Variants in PTCH1 observed in about 807,000 individuals in gnomAD.
The protein encoded by PTCH1 is patched 1.
PTCH1 carries 14 observed loss-of-function variants against 144.6 expected under a neutral mutation model. The ratio of observed to expected loss-of-function variants is 0.10; its 90% CI spans 0.06 to 0.15. The LOEUF (loss-of-function observed/expected upper bound fraction) is 0.15, where lower values mean the gene tolerates loss of function less well. Ranked by LOEUF, PTCH1 falls within the 10% of genes least tolerant of loss-of-function variation. PTCH1 has a pLI of 1.00. For missense variants in PTCH1, 1,623 were observed against 1,948.3 expected (o/e 0.83, Z 3.14); for synonymous variants, 833 against 793.6 (o/e 1.05, Z -0.83).
At position 95,443,119 on chromosome 9, in the gene PTCH1, AG is replaced by A. The variant is rs1289980034; in HGVS notation, c.*3273del. On this transcript the variant is annotated 3_prime_UTR_variant, in exon 24 of 24. Transcript: ENST00000331920. Reference sequence around the variant, plus strand: ...TTTCTTGGTATGAGAAAACAAAAATAGGGTCAGGTGATAAGAAATTAATTAA... The same window carrying A: ...TTTCTTGGTATGAGAAAACAAAAATAGGTCAGGTGATAAGAAATTAATTAA... The A allele has an allele frequency of 6.6e-6, 1 of 152,220 alleles. No individual in the cohort carries two copies. Among genetic ancestry groups the A allele is most frequent in the Non-Finnish European group, 1.5e-5 (1 of 68,030 alleles). 9.4% of individuals were successfully genotyped at this position (152,220 alleles called of 1,614,324 possible).
exon 1 of PTCH1, chr9:95,516,493 CG>C: frequency 6.5e-7 from 1 of 1,535,066 alleles, no homozygotes; most frequent in Non-Finnish European, 8.7e-7. Context: ...AACCCCTGCT[CG>C]GAGCGCGGGT....
In PTCH1 at chr9:95,444,173, G is replaced by C. The variant is rs555718735; in HGVS notation, c.*2220C>G. 4.0e-5 allele frequency: 6 copies of C among 151,530 alleles called. No individual in the cohort carries two copies. Among genetic ancestry groups the C allele is most frequent in the African/African-American group, 1.5e-4 (6 of 41,202 alleles). The allele number at this position is 151,530 out of a possible 1,614,324, so 9.4% of individuals were successfully genotyped here. A position where few individuals can be genotyped will look rare whatever the true frequency, so the allele number is the denominator to read the frequency against. ...GACAGACAAAATAAAACTATTAAAA[G>C]AGAGAGAGAAATTCTAATTCCCTGC... On this transcript the variant is annotated 3_prime_UTR_variant, in exon 24 of 24. Transcript: ENST00000331920.
At chr9:95,516,888 A>C (rs1412741608) in exon 1 of PTCH1, 3 of 1,356,512 alleles carry the variant, frequency 2.2e-6, no homozygotes, top group South Asian at 1.3e-5. Context: ...CGGATCCGAA[A>C]ACTTTACCCC....
chr9:95,477,337 C>G (rs551165772), intron 10 of PTCH1, among the ~76,000 whole-genome samples: 17 of 152,302 alleles, frequency 1.1e-4, no homozygotes, highest in African/African-American at 4.1e-4. Flanking sequence ...CTCTACTAAC[C>G]AATAAGCCCA....
intron 19 of PTCH1, 98 bp downstream of exon 19, chr9:95,456,178 C>A (rs886168852): frequency 1.9e-6 from 3 of 1,538,906 alleles, no homozygotes; most frequent in Middle Eastern, 1.7e-4. Flanking sequence ...TTCACTGCCA[C>A]GCACAGGGAG....
rs1838255301 is a variant in PTCH1 at position 95,449,415 on chromosome 9, C to G, written c.3550-92G>C. The G allele has an allele frequency of 6.6e-7, 1 of 1,504,756 alleles. No individual in the cohort carries two copies. Among genetic ancestry groups the G allele is most frequent in the African/African-American group, 1.4e-5 (1 of 72,368 alleles). The allele number at this position is 1,504,756 out of a possible 1,614,324, so 93.2% of individuals were successfully genotyped here. ...AAAGCACGGTATTTTTCAGGGGCCT[C>G]TGTTCCCTGCCCTGGGGCCCTGCGC... On this transcript the variant is annotated intron_variant, in intron 21 of 23. Transcript: ENST00000331920. The surrounding 1 kb of genome is among the most constrained non-coding windows in gnomAD (Gnocchi z 5.3).
chr9:95,485,947 A>G (rs1476101564), intron 2 of PTCH1, 73 bp from the exon 3 acceptor site: 1 of 1,523,364 alleles, frequency 6.6e-7, no homozygotes, highest in Non-Finnish European at 9.1e-7. Flanking sequence ...TTATCTGACT[A>G]CCTGCCATAG....
chr9:95,479,781 CCCA>C (rs1841378535), intron 7 of PTCH1, 185 bp downstream of exon 7: 2 of 879,058 alleles, frequency 2.3e-6, no homozygotes, highest in East Asian at 5.3e-5. Flanking sequence ...TGAAAAATTC[CCCA>C]CAAGGTGCTT....
Position 95,508,287 on chromosome 9 carries a change from T to C in PTCH1, c.75A>G (p.Gly25=), listed in dbSNP as rs1420722641. The change falls in exon 1 of 24, where the codon GGA becomes GGG. Residue 25 remains glycine (G), a synonymous_variant. Coordinates refer to ENST00000331920, the MANE Select transcript of PTCH1 (RefSeq NM_000264.5). Reference sequence around the variant, plus strand: ...TGCGCCTCCCGCCTCCAGCCGGCCGTCCCGGGGCACCGATACAGCCGCTGC... The same window carrying C: ...TGCGCCTCCCGCCTCCAGCCGGCCGCCCCGGGGCACCGATACAGCCGCTGC... The part of the protein sequence containing the change: ...GGGSGCIGAP[G]RPAGGGRRRR... 2 of 1,536,978 alleles carry C rather than the reference T, an allele frequency of 1.3e-6. No individual in the cohort carries two copies. Among genetic ancestry groups the C allele is most frequent in the South Asian group, 2.4e-5 (2 of 83,224 alleles).
chr9:95,451,005 G>A (rs992836102), intron 20 of PTCH1: 1 of 106,992 alleles, frequency 9.3e-6, no homozygotes, highest in African/African-American at 2.6e-5. Context: ...GTTCTGGGAA[G>A]GGGGGGGCAA....
rs2118881282 is a variant in PTCH1 at position 95,506,590 on chromosome 9, T to C, written c.211A>G (p.Thr71Ala). 6.2e-7 allele frequency: 1 copy of C among 1,611,638 alleles called. No individual in the cohort carries two copies. Among genetic ancestry groups the C allele is most frequent in the Non-Finnish European group, 8.5e-7 (1 of 1,178,948 alleles). ...ALEQISKGKATGRKAPLWLRA... is the reference protein window; with the variant it reads ...ALEQISKGKAAGRKAPLWLRA... Reference sequence around the variant, plus strand: ...AGCCACAGCGGCGCTTTCCGGCCAGTAGCCTTCCCCTGGGGACGAAGCAGA... The same window carrying C: ...AGCCACAGCGGCGCTTTCCGGCCAGCAGCCTTCCCCTGGGGACGAAGCAGA... Residue 71 changes from threonine (T) to alanine (A), a missense_variant, in exon 2 of 24, where the codon ACT (threonine) becomes GCT (alanine). Thr to Ala is a moderately conservative substitution (Grantham distance 58). Transcript: ENST00000331920.
intron 20 of PTCH1, chr9:95,450,322 C>T (rs532430061): frequency 7.2e-5 from 23 of 318,210 alleles, no homozygotes; most frequent in South Asian, 3.7e-4. Flanking sequence ...CGAGGGGCCC[C>T]GCTCGTGAAA....
chr9:95,494,228 C>T, intron 2 of PTCH1: 2 of 985,644 alleles, frequency 2.0e-6, no homozygotes, highest in Non-Finnish European at 2.4e-6. Flanking sequence ...CTTGCCCAGG[C>T]TGCTCCCTCT....
chr9:95,509,049 C>T lies in PTCH1; in HGVS notation c.-688G>A, dbSNP rs1015522326. ...GCTGGGTTCGCGGTGGCTGCTCGGT[C>T]CCGGACTCTGCTTTCTTGTGCTCCT... On this transcript the variant is annotated 5_prime_UTR_variant, in exon 1 of 24. Coordinates refer to ENST00000331920, the MANE Select transcript of PTCH1 (RefSeq NM_000264.5). Among the ~76,000 whole-genome samples the T allele has an allele frequency of 6.6e-6, 1 of 151,988 alleles. No homozygotes were observed. The highest frequency in any genetic ancestry group is 1.5e-5 in the Non-Finnish European group (1 of 67,946).
rs769719333 is a variant in PTCH1 at position 95,482,182 on chromosome 9, C to T, written c.606G>A (p.Leu202=). Residue 202 remains leucine, a synonymous_variant, in exon 4 of 24, where the codon TTG becomes TTA. Transcript: ENST00000331920. ...TGATAAGCTCTCCTGATTTGTAACA[C>T]AAATGTTCCAATTTCCACTGCCTAA... ...MYNRQWKLEH[L]CYKSGELITE... 5 of 1,614,066 alleles carry T rather than the reference C, an allele frequency of 3.1e-6. No individual in the cohort carries two copies. Among genetic ancestry groups the T allele is most frequent in the Middle Eastern group, 1.6e-4 (1 of 6,062 alleles).
intron 22 of PTCH1, 144 bp downstream of exon 22, chr9:95,448,925 A>G: frequency 8.6e-7 from 1 of 1,156,094 alleles, no homozygotes; most frequent in South Asian, 1.6e-5. Flanking sequence ...GTTATTTCCT[A>G]TGATTTGACC....
intron 20 of PTCH1, chr9:95,452,855 C>T: frequency 6.4e-6 from 1 of 156,604 alleles, no homozygotes; most frequent in Non-Finnish European, 1.4e-5. Context: ...TCAAATGTGG[C>T]ATTTCTTTCT....
chr9:95,453,449 A>G, intron 20 of PTCH1, 29 bp downstream of exon 20: 2 of 1,613,460 alleles, frequency 1.2e-6, no homozygotes, highest in Non-Finnish European at 8.5e-7. Flanking sequence ...TGATTTCTAA[A>G]ACATGTCTCC....
rs1214105331 is a variant in PTCH1, at chr9:95,485,798, G to C, written c.471C>G (p.Leu157=). Residue 157 remains leucine, a synonymous_variant, in exon 3 of 24, where the codon CTC becomes CTG. Transcript: ENST00000331920. ...IGEEAMFNPQ[L]MIQTPKEEGA... ...CTTCTTCTTTAGGGGTCTGTATCAT[G>C]AGTTGAGGATTAAACATAGCCTCTT... is the stretch of plus-strand genomic sequence containing the variant. 2 of 1,614,086 alleles carry C rather than the reference G, an allele frequency of 1.2e-6. No individual in the cohort carries two copies.
Sources: allele counts gnomAD v4.1 joint callset (sites outside exome capture counted in the v4.1 genomes callset), GRCh38; gene constraint gnomAD v4.1.1; non-coding constraint Gnocchi (gnomAD v3.1); transcripts MANE v1.5; gene names NCBI Gene and HGNC (gene_info 2026-07-23, HGNC 2026-07-21).